The following ULK4 variants were observed in gnomAD, a reference collection of about 807,000 sequenced individuals.
The protein encoded by ULK4 is unc-51 like kinase 4, also known as inactive serine/threonine-protein kinase ULK4.
ULK4 carries 133 observed loss-of-function variants against 160.6 expected under a neutral mutation model. The ratio of observed to expected loss-of-function variants is 0.83; its 90% CI spans 0.72 to 0.96. The LOEUF is 0.96. Ranked by LOEUF, ULK4 falls within the 40% of genes least tolerant of loss-of-function variation. The pLI, the probability that ULK4 is intolerant of heterozygous loss-of-function variation, is 0.00. For missense variants in ULK4, 1,580 were observed against 1,499.5 expected, an observed-to-expected ratio of 1.05 and a Z score of -0.89; for synonymous variants, 534 against 539.8, an observed-to-expected ratio of 0.99 and a Z score of 0.15.
At chr3:41,846,805 T>C (rs61193580) in intron 17 of ULK4, among the ~76,000 whole-genome samples, 18,571 of 104,892 alleles carry the variant, frequency 0.18, 3,991 homozygotes, top group African/African-American at 0.53. Context: ...ACTCTCTCTC[T>C]CAAAAAAAAA....
chr3:41,383,836 T>C (rs1293436843), intron 35 of ULK4, among the ~76,000 whole-genome samples: 1 of 152,206 alleles, frequency 6.6e-6, no homozygotes, highest in African/African-American at 2.4e-5. Context: ...AGCAGTATTC[T>C]CAGCAACTCT....
chr3:41,707,413 A>C (rs906042785), intron 25 of ULK4, among the ~76,000 whole-genome samples: 9 of 152,346 alleles, frequency 5.9e-5, no homozygotes, highest in African/African-American at 2.2e-4. Flanking sequence ...AGGAAACAAC[A>C]GAGTGAAGAG....
intron 29 of ULK4, among the ~76,000 whole-genome samples, chr3:41,673,401 T>TA (rs1476783930): frequency 6.6e-6 from 1 of 152,148 alleles, no homozygotes; most frequent in Non-Finnish European, 1.5e-5. Context: ...GTGTTGCCAC[T>TA]AATAGAATCC....
chr3:41,832,725 A>G (rs1052545634), intron 18 of ULK4, among the ~76,000 whole-genome samples: 1 of 152,184 alleles, frequency 6.6e-6, no homozygotes, highest in Non-Finnish European at 1.5e-5. Context: ...TATAAGGTGC[A>G]AGGAATGCAT....
At chr3:41,756,328 T>C (rs1263502822) in intron 21 of ULK4, among the ~76,000 whole-genome samples, 1 of 152,212 alleles carries the variant, frequency 6.6e-6, no homozygotes, top group African/African-American at 2.4e-5. Flanking sequence ...CTACAAATTT[T>C]AGCCACAGTG....
At chr3:41,554,702 T>C (rs76944760) in intron 32 of ULK4, among the ~76,000 whole-genome samples, 3,107 of 152,064 alleles carry the variant, frequency 0.02, 110 homozygotes, top group African/African-American at 0.072. Flanking sequence ...GTAGGTAAAA[T>C]AGAAGATTTG....
intron 32 of ULK4, among the ~76,000 whole-genome samples, chr3:41,558,516 C>T (rs1392468613): frequency 6.6e-6 from 1 of 151,818 alleles, no homozygotes; most frequent in African/African-American, 2.4e-5. Flanking sequence ...CCAGCCTGGC[C>T]AACATAATGA....
chr3:41,846,922 T>C (rs1040765235), intron 17 of ULK4, among the ~76,000 whole-genome samples: 1 of 152,212 alleles, frequency 6.6e-6, no homozygotes, highest in Non-Finnish European at 1.5e-5. Flanking sequence ...AAAATGGGTT[T>C]TTTGGTGTTA....
chr3:41,522,609 TAAAG>T (rs1323420729), intron 32 of ULK4, among the ~76,000 whole-genome samples: 1 of 152,160 alleles, frequency 6.6e-6, no homozygotes, highest in Admixed American at 6.5e-5. Flanking sequence ...AATGAAATAT[TAAAG>T]AAAGAAAAAT....
intron 22 of ULK4, among the ~76,000 whole-genome samples, chr3:41,723,305 T>G (rs982025492): frequency 1.4e-4 from 21 of 152,106 alleles, no homozygotes; most frequent in African/African-American, 5.1e-4. Flanking sequence ...ATTGGGTTGT[T>G]GATCTTTTGT....
At chr3:41,724,489 C>T (rs1369423104) in intron 22 of ULK4, among the ~76,000 whole-genome samples, 4 of 152,112 alleles carry the variant, frequency 2.6e-5, no homozygotes, top group Non-Finnish European at 5.9e-5. Flanking sequence ...CTTTGGGAGG[C>T]CGAGGCGGGT....
chr3:41,659,868 T>C (rs1474397968), intron 30 of ULK4, among the ~76,000 whole-genome samples: 1 of 152,150 alleles, frequency 6.6e-6, no homozygotes, highest in East Asian at 1.9e-4. Flanking sequence ...CAATGGAAGA[T>C]CTTACCACTG....
intron 34 of ULK4, 26 bp from the exon 35 acceptor site, chr3:41,398,290 T>A (rs1269560128): frequency 6.2e-7 from 1 of 1,603,814 alleles, no homozygotes; most frequent in Non-Finnish European, 8.5e-7. Flanking sequence ...TAAGACTATT[T>A]AAATTTCCTT....
At chr3:41,928,524 C>T (rs573307653) in intron 5 of ULK4, among the ~76,000 whole-genome samples, 24 of 64,452 alleles carry the variant, frequency 3.7e-4, no homozygotes, top group East Asian at 2.8e-3. Flanking sequence ...GATACAGACA[C>T]GAAAAACCCT....
intron 34 of ULK4, among the ~76,000 whole-genome samples, chr3:41,444,983 C>A (rs1280274897): frequency 6.6e-6 from 1 of 152,170 alleles, no homozygotes; most frequent in Non-Finnish European, 1.5e-5. Flanking sequence ...CCCATTGTCT[C>A]AGCCCAAAAT....
At chr3:41,769,368 G>T (rs2039275694) in intron 21 of ULK4, among the ~76,000 whole-genome samples, 2 of 152,144 alleles carry the variant, frequency 1.3e-5, no homozygotes, top group Non-Finnish European at 1.5e-5. Flanking sequence ...ACAGGCTACA[G>T]GCAAAGACTT....
At chr3:41,843,549 T>C (rs2041988529) in intron 17 of ULK4, among the ~76,000 whole-genome samples, 1 of 152,130 alleles carries the variant, frequency 6.6e-6, no homozygotes, top group African/African-American at 2.4e-5. Flanking sequence ...TGGTGAGTGT[T>C]ACAGCTCTTA....
At chr3:41,646,125 A>T (rs2034476824) in intron 30 of ULK4, among the ~76,000 whole-genome samples, 2 of 152,114 alleles carry the variant, frequency 1.3e-5, no homozygotes, top group South Asian at 2.1e-4. Flanking sequence ...CAGCACACTG[A>T]TGGGTCTTGA....
intron 35 of ULK4, among the ~76,000 whole-genome samples, chr3:41,278,678 G>C (rs1337611972): frequency 1.3e-5 from 2 of 152,150 alleles, no homozygotes; most frequent in Non-Finnish European, 1.5e-5. Context: ...TGGACCTCCA[G>C]CAAACCCCAA....
Sources: allele counts gnomAD v4.1 joint callset (sites outside exome capture counted in the v4.1 genomes callset), GRCh38; gene constraint gnomAD v4.1.1; transcripts MANE v1.5; gene names NCBI Gene and HGNC (gene_info 2026-07-23, HGNC 2026-07-21).